The following SCLT1 variants were observed in gnomAD, a reference collection of about 807,000 sequenced individuals.
The protein encoded by SCLT1 is sodium channel-associated protein 1.
Under a neutral mutation model 112.8 loss-of-function variants are expected in SCLT1, and 78 were observed. The observed-to-expected ratio is 0.69, with a 90% CI of 0.58 to 0.83. The LOEUF (loss-of-function observed/expected upper bound fraction) is 0.83, where lower values mean the gene tolerates loss of function less well. Ranked by LOEUF, SCLT1 falls within the 40% of genes least tolerant of loss-of-function variation. SCLT1 has a pLI of 0.00. For synonymous variants in SCLT1, 257 were observed against 254.7 expected (o/e 1.01, Z -0.09); for missense variants, 747 against 770.4 (o/e 0.97, Z 0.36).
intron 18 of SCLT1, among the ~76,000 whole-genome samples, chr4:128,933,186 A>C (rs1460191399): frequency 6.6e-6 from 1 of 152,154 alleles, no homozygotes; most frequent in Non-Finnish European, 1.5e-5. Flanking sequence ...CACTAGGGCT[A>C]TTATGGCACA....
chr4:128,928,951 T>C (rs1736533105), intron 18 of SCLT1, among the ~76,000 whole-genome samples: 2 of 152,196 alleles, frequency 1.3e-5, no homozygotes, highest in African/African-American at 4.8e-5. Flanking sequence ...TATGAAATGA[T>C]GAAAATTGAA....
chr4:129,021,249 G>C (rs1258270643), intron 5 of SCLT1, among the ~76,000 whole-genome samples: 2 of 152,256 alleles, frequency 1.3e-5, no homozygotes, highest in South Asian at 4.1e-4. Flanking sequence ...AGATTCCCCC[G>C]TGTGCCTAAA....
intron 5 of SCLT1, among the ~76,000 whole-genome samples, chr4:129,016,754 C>G (rs528924538): frequency 6.6e-4 from 101 of 152,218 alleles, no homozygotes; most frequent in Middle Eastern, 6.8e-3. Flanking sequence ...GAAAGCAGCC[C>G]CAAATGCCGG....
Position 128,978,610 on chromosome 4 carries a change from T to C in SCLT1, c.687-8142A>G, listed in dbSNP as rs548814887. On this transcript the variant is annotated intron_variant, in intron 9 of 20. Coordinates refer to ENST00000281142, the MANE Select transcript of SCLT1 (RefSeq NM_144643.4). ...ATTTTTAAGTCATAAAAGGTACCAG[T>C]AATTCTTGAGGAGAAGAATAGATGG... Among the ~76,000 whole-genome samples, 8 of 152,144 alleles carry C rather than the reference T, an allele frequency of 5.3e-5. No homozygotes were observed. The South Asian group carries it at 1.7e-3, about 32-fold the overall frequency.
At chr4:129,055,416 G>T (rs557712525) in intron 2 of SCLT1, among the ~76,000 whole-genome samples, 14 of 152,284 alleles carry the variant, frequency 9.2e-5, no homozygotes, top group African/African-American at 3.1e-4. Context: ...TGTCCCAGGG[G>T]GATGGGAGTT....
chr4:129,004,230 G>A (rs1185210172), intron 5 of SCLT1, among the ~76,000 whole-genome samples: 2 of 151,990 alleles, frequency 1.3e-5, no homozygotes, highest in Non-Finnish European at 2.9e-5. Context: ...AAATATCTAT[G>A]TATATCTAGT....
At chr4:129,057,438 A>T (rs1749514579) in intron 2 of SCLT1, among the ~76,000 whole-genome samples, 1 of 144,618 alleles carries the variant, frequency 6.9e-6, no homozygotes. Flanking sequence ...GATGACTCTC[A>T]GCCTCCCAAG....
chr4:128,984,565 A>G (rs1239774749), intron 9 of SCLT1, among the ~76,000 whole-genome samples: 1 of 152,102 alleles, frequency 6.6e-6, no homozygotes, highest in Non-Finnish European at 1.5e-5. Context: ...CATTTTTCCT[A>G]TATAGATTTT....
intron 17 of SCLT1, among the ~76,000 whole-genome samples, chr4:128,937,823 T>C (rs1737342823): frequency 6.6e-6 from 1 of 152,200 alleles, no homozygotes; most frequent in African/African-American, 2.4e-5. Flanking sequence ...TTGGATACCC[T>C]AGAAGCTTTC....
chr4:129,021,044 C>A (rs1452965627), intron 5 of SCLT1, among the ~76,000 whole-genome samples: 1 of 152,194 alleles, frequency 6.6e-6, no homozygotes, highest in Non-Finnish European at 1.5e-5. Context: ...GCATTTCCAA[C>A]TGAGGTACTC....
intron 7 of SCLT1, among the ~76,000 whole-genome samples, chr4:128,999,166 AAG>A (rs1743248879): frequency 6.6e-6 from 1 of 152,014 alleles, no homozygotes; most frequent in East Asian, 1.9e-4. Flanking sequence ...AATAACCATT[AAG>A]ATACCTTCCT....
At chr4:128,889,050 G>T (rs540086226) in intron 19 of SCLT1, among the ~76,000 whole-genome samples, 6 of 152,316 alleles carry the variant, frequency 3.9e-5, no homozygotes, top group African/African-American at 1.2e-4. Context: ...TTCAATTTGT[G>T]AAGGTCACTG....
intron 16 of SCLT1, among the ~76,000 whole-genome samples, chr4:128,943,557 TAATC>T (rs1159157158): frequency 2.0e-5 from 3 of 152,286 alleles, no homozygotes; most frequent in Non-Finnish European, 2.9e-5. Flanking sequence ...CTCCTTTACT[TAATC>T]AATAAACTCC....
intron 18 of SCLT1, among the ~76,000 whole-genome samples, chr4:128,896,677 T>C (rs1408429110): frequency 6.6e-6 from 1 of 152,124 alleles, no homozygotes; most frequent in Non-Finnish European, 1.5e-5. Context: ...GGACGGAGAA[T>C]GACTTTGACG....
intron 18 of SCLT1, among the ~76,000 whole-genome samples, chr4:128,902,901 C>T (rs1020636479): frequency 3.3e-5 from 5 of 151,988 alleles, no homozygotes; most frequent in African/African-American, 1.2e-4. Flanking sequence ...CATTAGACAA[C>T]GCCTACACAG....
At chr4:129,069,622 T>A (rs1385035616) in intron 2 of SCLT1, among the ~76,000 whole-genome samples, 1 of 152,222 alleles carries the variant, frequency 6.6e-6, no homozygotes, top group African/African-American at 2.4e-5. Flanking sequence ...GAAACTTTGC[T>A]GAATTCTTTT....
At chr4:129,086,687 G>A (rs1224675049) in intron 1 of SCLT1, among the ~76,000 whole-genome samples, 1 of 152,084 alleles carries the variant, frequency 6.6e-6, no homozygotes, top group Non-Finnish European at 1.5e-5. Flanking sequence ...ATCATATTAA[G>A]ATTACTGACA....
intron 2 of SCLT1, among the ~76,000 whole-genome samples, chr4:129,048,680 C>G (rs1342613871): frequency 1.1e-4 from 17 of 152,094 alleles, no homozygotes; most frequent in African/African-American, 4.1e-4. Flanking sequence ...ACTACCCTCA[C>G]AGTGAACAGG....
chr4:129,089,930 T>C (rs1752693189), intron 1 of SCLT1, among the ~76,000 whole-genome samples: 1 of 152,000 alleles, frequency 6.6e-6, no homozygotes, highest in Non-Finnish European at 1.5e-5. Flanking sequence ...GGTTGATGGG[T>C]GCAGCAAACC....
Sources: allele counts gnomAD v4.1 joint callset (sites outside exome capture counted in the v4.1 genomes callset), GRCh38; gene constraint gnomAD v4.1.1; transcripts MANE v1.5; gene names NCBI Gene and HGNC (gene_info 2026-07-23, HGNC 2026-07-21).